The following DGKI variants were observed in gnomAD, a reference collection of about 807,000 sequenced individuals.
DGKI encodes diacylglycerol kinase iota.
Under a neutral mutation model 147.5 loss-of-function variants are expected in DGKI, and 55 were observed. The observed-to-expected ratio is 0.37, with a 90% CI of 0.30 to 0.47. The LOEUF is 0.47. Among genes scored for constraint, DGKI ranks in the 20% least tolerant of loss-of-function variants. The probability of loss-of-function intolerance (pLI) is 1.00; values close to 1 mark genes in which losing one functional copy is unlikely to be tolerated. For synonymous variants in DGKI, 469 were observed against 477.1 expected, an observed-to-expected ratio of 0.98 and a Z score of 0.22; for missense variants, 1,007 against 1,323.8, an observed-to-expected ratio of 0.76 and a Z score of 3.71.
intron 10 of DGKI, 46 bp downstream of exon 10, chr7:137,608,920 G>T (rs772895531): frequency 6.8e-7 from 1 of 1,472,032 alleles, no homozygotes; most frequent in South Asian, 1.1e-5. Flanking sequence ...GTGTCGTCAA[G>T]AAATTATCAA....
At chr7:137,563,832 G>A (rs1017984306) in intron 19 of DGKI, among the ~76,000 whole-genome samples, 1 of 151,982 alleles carries the variant, frequency 6.6e-6, no homozygotes, top group South Asian at 2.1e-4. Flanking sequence ...TTCATGGATT[G>A]GAACATTCAT....
At chr7:137,800,880 C>T (rs1797183097) in intron 1 of DGKI, among the ~76,000 whole-genome samples, 1 of 152,180 alleles carries the variant, frequency 6.6e-6, no homozygotes, top group Admixed American at 6.5e-5. Flanking sequence ...AGTTGATCCT[C>T]AATAACTATA....
intron 3 of DGKI, among the ~76,000 whole-genome samples, chr7:137,660,930 T>C (rs141055041): frequency 0.014 from 2,134 of 152,094 alleles, 34 homozygotes; most frequent in South Asian, 0.05. Context: ...TTAGCTACTT[T>C]CACAGGCCCA....
chr7:137,649,923 C>T (rs1234709353), intron 5 of DGKI, among the ~76,000 whole-genome samples: 2 of 151,942 alleles, frequency 1.3e-5, no homozygotes, highest in Non-Finnish European at 2.9e-5. Flanking sequence ...TGTCACATGT[C>T]AGGCACTATG....
chr7:137,483,511 TG>T (rs1395975823), intron 23 of DGKI, among the ~76,000 whole-genome samples: 4 of 152,120 alleles, frequency 2.6e-5, no homozygotes, highest in African/African-American at 9.7e-5. Context: ...GGTAAACATG[TG>T]CCATGGTGGT....
At chr7:137,487,718 A>G (rs1279965740) in intron 21 of DGKI, 29 bp from the exon 22 acceptor site, 4 of 1,592,442 alleles carry the variant, frequency 2.5e-6, no homozygotes, top group Non-Finnish European at 3.4e-6. Context: ...GAAAAATCTA[A>G]AATAACATAT....
chr7:137,422,595 C>CTTTTCT, intron 28 of DGKI, among the ~76,000 whole-genome samples: 1 of 61,966 alleles, frequency 1.6e-5, no homozygotes, highest in Non-Finnish European at 2.8e-5. Flanking sequence ...TTTTTCTTTT[C>CTTTTCT]TTTTTTTTTT....
chr7:137,400,051 A>G (rs1811696608), intron 30 of DGKI, among the ~76,000 whole-genome samples: 2 of 152,222 alleles, frequency 1.3e-5, no homozygotes, highest in South Asian at 2.1e-4. Context: ...AGGTCACACT[A>G]CATCAAGATA....
At chr7:137,409,354 A>T (rs926376446) in intron 29 of DGKI, among the ~76,000 whole-genome samples, 2 of 152,228 alleles carry the variant, frequency 1.3e-5, no homozygotes. Context: ...CAATTCAGTC[A>T]CTGTGCTCAA....
intron 21 of DGKI, among the ~76,000 whole-genome samples, chr7:137,492,062 T>C (rs980771948): frequency 1.1e-4 from 17 of 152,254 alleles, no homozygotes; most frequent in South Asian, 1.0e-3. Flanking sequence ...AAGCACCTCT[T>C]CCATAGGTCT....
At chr7:137,457,450 A>T (rs1013497730) in intron 27 of DGKI, among the ~76,000 whole-genome samples, 1 of 152,178 alleles carries the variant, frequency 6.6e-6, no homozygotes, top group African/African-American at 2.4e-5. Context: ...CCATAACCTA[A>T]TGTTCCCAGA....
chr7:137,472,459 T>G (rs1361720079), intron 23 of DGKI, among the ~76,000 whole-genome samples: 2 of 139,072 alleles, frequency 1.4e-5, no homozygotes, highest in Admixed American at 7.8e-5. Context: ...AACGTATATA[T>G]TATATGTTAT....
intron 1 of DGKI, among the ~76,000 whole-genome samples, chr7:137,742,649 A>T (rs1046035738): frequency 6.6e-6 from 1 of 152,192 alleles, no homozygotes; most frequent in African/African-American, 2.4e-5. Context: ...CACACTTATG[A>T]GAATGAAAGC....
intron 8 of DGKI, among the ~76,000 whole-genome samples, chr7:137,610,112 A>C (rs768607678): frequency 4.0e-5 from 6 of 151,716 alleles, no homozygotes; most frequent in Non-Finnish European, 7.4e-5. Flanking sequence ...TAATAGTCAT[A>C]AAGTGACTCT....
At chr7:137,573,942 C>T (rs181143018) in intron 17 of DGKI, among the ~76,000 whole-genome samples, 250 of 152,366 alleles carry the variant, frequency 1.6e-3, no homozygotes, top group African/African-American at 5.6e-3. Flanking sequence ...TGACTATAGA[C>T]TTTCCGATGT....
chr7:137,432,991 T>C (rs1383204269), intron 28 of DGKI, among the ~76,000 whole-genome samples: 1 of 152,156 alleles, frequency 6.6e-6, no homozygotes, highest in Non-Finnish European at 1.5e-5. Context: ...TTGTGCTTGC[T>C]TGGGAATGGA....
intron 1 of DGKI, among the ~76,000 whole-genome samples, chr7:137,787,891 A>T (rs1045120172): frequency 2.0e-5 from 3 of 152,104 alleles, no homozygotes; most frequent in Non-Finnish European, 2.9e-5. Flanking sequence ...AACTCAGGGG[A>T]AACTGTCAGG....
intron 27 of DGKI, among the ~76,000 whole-genome samples, chr7:137,454,352 C>T (rs1242085907): frequency 1.3e-5 from 2 of 152,138 alleles, no homozygotes; most frequent in East Asian, 1.9e-4. Context: ...TTTGCTGAGT[C>T]GCCTGAATGT....
At chr7:137,787,377 A>G (rs1796705805) in intron 1 of DGKI, among the ~76,000 whole-genome samples, 1 of 152,200 alleles carries the variant, frequency 6.6e-6, no homozygotes, top group African/African-American at 2.4e-5. Flanking sequence ...GCTCAGCATC[A>G]CTAATTATCA....
Sources: allele counts gnomAD v4.1 joint callset (sites outside exome capture counted in the v4.1 genomes callset), GRCh38; gene constraint gnomAD v4.1.1; transcripts MANE v1.5; gene names NCBI Gene and HGNC (gene_info 2026-07-23, HGNC 2026-07-21).